The following CTNNA2 variants were observed in gnomAD, a reference collection of about 807,000 sequenced individuals.
CTNNA2 encodes the protein catenin alpha 2, also known as catenin alpha-2.
CTNNA2 carries 42 observed loss-of-function variants against 101.0 expected under a neutral mutation model. The observed-to-expected ratio is 0.42, with a 90% CI of 0.32 to 0.54. CTNNA2 has a LOEUF of 0.54. Among genes scored for constraint, CTNNA2 ranks in the 20% least tolerant of loss-of-function variants. The probability of loss-of-function intolerance (pLI) is 0.14; values close to 1 mark genes in which losing one functional copy is unlikely to be tolerated. For synonymous variants in CTNNA2, 450 were observed against 456.4 expected, an observed-to-expected ratio of 0.99 and a Z score of 0.18; for missense variants, 871 against 1,223.1, an observed-to-expected ratio of 0.71 and a Z score of 4.29.
At chr2:80,461,118 C>T (rs952578430) in intron 9 of CTNNA2, among the ~76,000 whole-genome samples, 4 of 152,166 alleles carry the variant, frequency 2.6e-5, no homozygotes, top group Admixed American at 2.0e-4. Flanking sequence ...TTTAGCCAGG[C>T]TCCTAAATCT....
At chr2:79,673,770 G>T (rs568765623) in intron 2 of CTNNA2, among the ~76,000 whole-genome samples, 82 of 152,142 alleles carry the variant, frequency 5.4e-4, no homozygotes, top group Non-Finnish European at 1.0e-3. Context: ...GATCCTTTTT[G>T]TGTGTAATTG....
At chr2:80,224,658 A>G (rs754521609) in intron 7 of CTNNA2, among the ~76,000 whole-genome samples, 1 of 151,774 alleles carries the variant, frequency 6.6e-6, no homozygotes, top group Non-Finnish European at 1.5e-5. Flanking sequence ...GTTAGCCAGG[A>G]TGGTCTCAAT....
chr2:79,846,686 T>A (rs566398030), intron 3 of CTNNA2, among the ~76,000 whole-genome samples: 1 of 152,354 alleles, frequency 6.6e-6, no homozygotes, highest in South Asian at 2.1e-4. Context: ...ACCCAGCTTC[T>A]GGTCTGGACT....
rs143818665 is a variant in CTNNA2 at position 79,451,800 on chromosome 2, T to C, written c.-134-53254T>C. 1.3e-3 allele frequency among the ~76,000 whole-genome samples: 200 copies of C among 151,170 alleles called. 1 individual carries two copies. The highest frequency in any genetic ancestry group is 7.9e-4 in the Admixed American group (12 of 15,100). On this transcript the variant is annotated intron_variant, in intron 4 of 21. Coordinates refer to the CTNNA2 transcript ENST00000466387. ...ATTTTTCAAATACATGTCTTAAAAA[T>C]ATATATTAAATGTATACATTATATT... is the stretch of plus-strand genomic sequence containing the variant.
At chr2:79,836,039 T>A (rs74741056) in intron 3 of CTNNA2, among the ~76,000 whole-genome samples, 6,048 of 152,126 alleles carry the variant, frequency 0.04, 144 homozygotes, top group East Asian at 0.12. Context: ...GATCTCTAGT[T>A]TTCTTGTTTC....
At chr2:80,524,773 C>G (rs948961632) in intron 9 of CTNNA2, among the ~76,000 whole-genome samples, 8 of 152,172 alleles carry the variant, frequency 5.3e-5, no homozygotes, top group Admixed American at 2.0e-4. Context: ...TGCCCTCATA[C>G]ATGCTCTCTC....
At chr2:80,053,074 A>G (rs559879214) in intron 7 of CTNNA2, among the ~76,000 whole-genome samples, 234 of 152,182 alleles carry the variant, frequency 1.5e-3, no homozygotes, top group Non-Finnish European at 2.7e-3. Flanking sequence ...TAAAGTTTTA[A>G]TTTCAGTATT....
At chr2:80,542,725 C>T (rs542504767) in intron 9 of CTNNA2, among the ~76,000 whole-genome samples, 16 of 151,918 alleles carry the variant, frequency 1.1e-4, no homozygotes, top group South Asian at 6.2e-4. Context: ...AGGGATGGTA[C>T]GGGGCAAAAA....
intron 7 of CTNNA2, among the ~76,000 whole-genome samples, chr2:80,183,204 A>G (rs1705897395): frequency 6.6e-6 from 1 of 152,060 alleles, no homozygotes; most frequent in African/African-American, 2.4e-5. Flanking sequence ...CAGCATACAC[A>G]CTTTTCTACA....
intron 7 of CTNNA2, among the ~76,000 whole-genome samples, chr2:80,305,961 T>C (rs971511678): frequency 2.3e-4 from 35 of 152,334 alleles, no homozygotes; most frequent in African/African-American, 7.7e-4. Context: ...TTATATGTAG[T>C]GGCACTTACT....
At chr2:80,491,056 A>G (rs1279433328) in intron 9 of CTNNA2, among the ~76,000 whole-genome samples, 1 of 152,194 alleles carries the variant, frequency 6.6e-6, no homozygotes, top group African/African-American at 2.4e-5. Flanking sequence ...CTAGATAGGT[A>G]TGTTTATTTC....
In CTNNA2 at chr2:79,719,776, T is replaced by C. The variant is rs140249487; in HGVS notation, c.103-24611T>C. Among the ~76,000 whole-genome samples, 12 of 152,300 alleles carry C rather than the reference T, an allele frequency of 7.9e-5. No homozygotes were observed. The East Asian group carries it at 2.3e-3, about 29-fold the overall frequency. ...TTTGCTTGTTGGTTTAACTTCCTTA[T>C]GTATTCTGGATACTAGACCTTTGTC... On this transcript the variant is annotated intron_variant, in intron 2 of 18. Transcript: ENST00000402739.
chr2:79,882,079 G>A (rs1170930318), intron 6 of CTNNA2, among the ~76,000 whole-genome samples: 6 of 151,868 alleles, frequency 4.0e-5, no homozygotes, highest in East Asian at 1.9e-4. Flanking sequence ...TAGTTTGGCT[G>A]GATATTAAAT....
chr2:80,401,701 G>T (rs920876), intron 8 of CTNNA2, among the ~76,000 whole-genome samples: 8 of 152,198 alleles, frequency 5.3e-5, no homozygotes, highest in African/African-American at 1.7e-4. Flanking sequence ...CAACTCTTCT[G>T]CAATCTCCTT....
At chr2:79,852,836 C>T (rs1311050627) in intron 3 of CTNNA2, among the ~76,000 whole-genome samples, 15 of 152,156 alleles carry the variant, frequency 9.9e-5, no homozygotes, top group South Asian at 2.1e-4. Flanking sequence ...GTGATCCAAC[C>T]GCCTCAGCCT....
Position 80,135,610 on chromosome 2 carries a change from C to A in CTNNA2, c.1056+225813C>A, listed in dbSNP as rs1053896343. ...AGAGTTGTCTGTAAATCTGTCCTGACCTCAGATAGGCACTTGAGAACCATC... is the reference window on the plus strand; with the variant it reads ...AGAGTTGTCTGTAAATCTGTCCTGAACTCAGATAGGCACTTGAGAACCATC... On this transcript the variant is annotated intron_variant, in intron 7 of 18. Transcript: ENST00000402739. 7.2e-5 allele frequency among the ~76,000 whole-genome samples: 11 copies of A among 152,102 alleles called. No homozygotes were observed. The South Asian group carries it at 1.5e-3, about 20-fold the overall frequency.
intron 7 of CTNNA2, among the ~76,000 whole-genome samples, chr2:79,930,309 A>T (rs1687330274): frequency 2.2e-5 from 2 of 91,016 alleles, no homozygotes; most frequent in Non-Finnish European, 4.5e-5. Context: ...AGAAAGAAAG[A>T]AAGAAAGAAA....
intron 6 of CTNNA2, among the ~76,000 whole-genome samples, chr2:79,907,406 G>A (rs772393657): frequency 5.9e-5 from 9 of 152,052 alleles, no homozygotes; most frequent in African/African-American, 1.9e-4. Context: ...AGTAGAAAGC[G>A]AGAGAGAGTA....
intron 7 of CTNNA2, among the ~76,000 whole-genome samples, chr2:80,248,360 A>C (rs1388082744): frequency 6.6e-6 from 1 of 152,176 alleles, no homozygotes; most frequent in African/African-American, 2.4e-5. Flanking sequence ...CTCCTGCCAG[A>C]GGAAATTAAG....
Sources: gnomAD v4.1 joint callset for allele counts (sites outside exome capture counted in the v4.1 genomes callset) on GRCh38, gnomAD v4.1.1 for gene constraint, MANE v1.5 for transcripts, NCBI Gene and HGNC (gene_info 2026-07-23, HGNC 2026-07-21) for gene names.